The following PLCZ1 variants were observed in gnomAD, a reference collection of about 807,000 sequenced individuals.
PLCZ1 encodes 1-phosphatidylinositol 4,5-bisphosphate phosphodiesterase zeta-1.
Under a neutral mutation model 76.8 loss-of-function variants are expected in PLCZ1, and 64 were observed. The ratio of observed to expected loss-of-function variants is 0.83; its 90% CI spans 0.68 to 1.03. The LOEUF is 1.03. Among genes scored for constraint, PLCZ1 ranks in the 50% least tolerant of loss-of-function variants. The pLI, the probability that PLCZ1 is intolerant of heterozygous loss-of-function variation, is 0.00. For missense variants in PLCZ1, 751 were observed against 713.7 expected, an observed-to-expected ratio of 1.05 and a Z score of -0.60; for synonymous variants, 248 against 230.8, an observed-to-expected ratio of 1.07 and a Z score of -0.68.
chr12:18,735,592 T>C (rs1275132509), intron 3 of PLCZ1, among the ~76,000 whole-genome samples: 1 of 152,132 alleles, frequency 6.6e-6, no homozygotes, highest in African/African-American at 2.4e-5. Flanking sequence ...TTCTTCTTGG[T>C]TCAGTCTTGA....
At chr12:18,683,544 T>G (rs1248407396) in intron 14 of PLCZ1, 3 of 1,502,464 alleles carry the variant, frequency 2.0e-6, no homozygotes, top group Non-Finnish European at 2.7e-6. Context: ...CAGCTCATAC[T>G]TCTCCTTCCG....
intron 14 of PLCZ1, 123 bp from the exon 15 acceptor site, chr12:18,683,447 T>A: frequency 7.0e-7 from 1 of 1,433,878 alleles, no homozygotes; most frequent in Non-Finnish European, 9.6e-7. Flanking sequence ...TATAGAGTTA[T>A]ATTCCCATCT....
At chr12:18,690,770 C>T (rs1009556526) in intron 12 of PLCZ1, among the ~76,000 whole-genome samples, 2 of 152,064 alleles carry the variant, frequency 1.3e-5, no homozygotes, top group African/African-American at 4.8e-5. Flanking sequence ...AAAGAATGCT[C>T]TAGTCACAGG....
At chr12:18,650,876 A>G in the PLCZ1 span, among the ~76,000 whole-genome samples, 3 of 151,080 alleles carry the variant, frequency 2.0e-5, no homozygotes, top group African/African-American at 4.9e-5. Context: ...ACTTACTGCT[A>G]TCATCCTTGG....
the PLCZ1 span, among the ~76,000 whole-genome samples, chr12:18,650,696 GTGTGTGTGTATATATCTATATA>G: frequency 0.047 from 2,051 of 43,422 alleles, 175 homozygotes; most frequent in Middle Eastern, 0.062. Flanking sequence ...GTGTGTGTGT[GTGTGTGTGTATATATCTATATA>G]TATATATATA....
chr12:18,714,929 C>T (rs1438499904), intron 5 of PLCZ1: 1 of 151,712 alleles, frequency 6.6e-6, no homozygotes, highest in Non-Finnish European at 1.5e-5. Context: ...CGTCCCAGCA[C>T]CAAGTACTTA....
At chr12:18,672,715 A>G in the PLCZ1 span, among the ~76,000 whole-genome samples, 1 of 152,162 alleles carries the variant, frequency 6.6e-6, no homozygotes, top group Non-Finnish European at 1.5e-5. Flanking sequence ...AGGTGACCTC[A>G]CTGGGAGGAA....
At chr12:18,730,019 T>C (rs1958956418) in intron 3 of PLCZ1, among the ~76,000 whole-genome samples, 1 of 152,132 alleles carries the variant, frequency 6.6e-6, no homozygotes, top group Non-Finnish European at 1.5e-5. Context: ...GGTATATTCA[T>C]ACATAATATC....
chr12:18,678,569 A>AT (rs1464806364), downstream of PLCZ1, among the ~76,000 whole-genome samples: 8 of 151,906 alleles, frequency 5.3e-5, no homozygotes, highest in Non-Finnish European at 1.5e-5. Flanking sequence ...TTTAATTTGC[A>AT]TTTTTTGTTC....
At chr12:18,719,246 T>C (rs893103382) in intron 5 of PLCZ1, among the ~76,000 whole-genome samples, 185 bp downstream of exon 5, 5 of 152,144 alleles carry the variant, frequency 3.3e-5, no homozygotes, top group Non-Finnish European at 5.9e-5. Flanking sequence ...TACAATAAAT[T>C]ACGTTGCCAC....
chr12:18,736,687 T>C, intron 2 of PLCZ1: 1 of 1,290,538 alleles, frequency 7.7e-7, no homozygotes. Flanking sequence ...CAAGATCGCC[T>C]CTCACCTGAC....
Position 18,683,588 on chromosome 12 carries a change from C to A in PLCZ1, c.1742-264G>T, listed in dbSNP as rs1052331218. On this transcript the variant is annotated intron_variant, in intron 14 of 14. Coordinates refer to ENST00000266505, the MANE Select transcript of PLCZ1 (RefSeq NM_033123.4). ...TGCATGATCCAAAATTAGCCACCAC[C>A]CTTCTGCTTCAGGAAGACCTGTTTC... 2.8e-6 allele frequency: 4 copies of A among 1,450,236 alleles called. No individual in the cohort carries two copies. In the East Asian group the frequency reaches 1.2e-4, roughly 44 times the overall value. 89.8% of individuals were successfully genotyped at this position (1,450,236 alleles called of 1,614,324 possible). A position where few individuals can be genotyped will look rare whatever the true frequency, so the allele number is the denominator to read the frequency against.
At chr12:18,736,145 C>T in intron 3 of PLCZ1, 76 bp downstream of exon 3, 1 of 1,520,774 alleles carries the variant, frequency 6.6e-7, no homozygotes, top group Non-Finnish European at 9.0e-7. Context: ...AAGAGACTAA[C>T]CTTTATATGA....
intron 6 of PLCZ1, among the ~76,000 whole-genome samples, chr12:18,710,702 T>C (rs1234181858): frequency 6.6e-6 from 1 of 152,060 alleles, no homozygotes; most frequent in Non-Finnish European, 1.5e-5. Context: ...TGGGCAGAGA[T>C]AGTTAAATTC....
At chr12:18,728,314 C>A (rs1958866516) in intron 3 of PLCZ1, among the ~76,000 whole-genome samples, 1 of 152,118 alleles carries the variant, frequency 6.6e-6, no homozygotes, top group Non-Finnish European at 1.5e-5. Flanking sequence ...AAGAAGCTAA[C>A]AATAACTTCC....
intron 3 of PLCZ1, among the ~76,000 whole-genome samples, chr12:18,732,066 A>G (rs1959077730): frequency 1.3e-5 from 2 of 152,186 alleles, no homozygotes; most frequent in African/African-American, 4.8e-5. Flanking sequence ...CAACTTGATG[A>G]GTTTGGAGAT....
intron 3 of PLCZ1, among the ~76,000 whole-genome samples, chr12:18,734,976 T>C (rs1169207044): frequency 3.3e-5 from 5 of 152,222 alleles, no homozygotes; most frequent in African/African-American, 1.2e-4. Context: ...GGGAGTTAAA[T>C]TTTGTCACAT....
chr12:18,688,848 T>G (rs960965864), intron 12 of PLCZ1, among the ~76,000 whole-genome samples: 1 of 152,006 alleles, frequency 6.6e-6, no homozygotes, highest in Non-Finnish European at 1.5e-5. Context: ...GGCTAAGAGA[T>G]AGAAGATATA....
At chr12:18,714,563 G>C (rs950121277) in intron 5 of PLCZ1, 7 of 152,140 alleles carry the variant, frequency 4.6e-5, no homozygotes, top group Non-Finnish European at 7.3e-5. Context: ...CGGGATCTTA[G>C]AATCGATACA....
Sources: gnomAD v4.1 joint callset for allele counts (sites outside exome capture counted in the v4.1 genomes callset) on GRCh38, gnomAD v4.1.1 for gene constraint, MANE v1.5 for transcripts, NCBI Gene and HGNC (gene_info 2026-07-23, HGNC 2026-07-21) for gene names.